MAML1: variants seen among roughly 807,000 people sequenced by gnomAD.
MAML1 encodes mastermind-like protein 1.
In MAML1, 14 loss-of-function variants were observed where a neutral mutation model predicts 77.1. That is an observed-to-expected ratio of 0.18 (90% confidence interval 0.12 to 0.28). The LOEUF (loss-of-function observed/expected upper bound fraction) is 0.28, where lower values mean the gene tolerates loss of function less well. Ranked by LOEUF, MAML1 falls within the 10% of genes least tolerant of loss-of-function variation. The pLI, the probability that MAML1 is intolerant of heterozygous loss-of-function variation, is 1.00. For missense variants in MAML1, 1,217 were observed against 1,327.8 expected (o/e 0.92, Z 1.30); for synonymous variants, 516 against 551.9 (o/e 0.93, Z 0.91).
In MAML1 at chr5:179,765,391, G is replaced by T. The variant is rs1412183480; in HGVS notation, c.381G>T (p.Gln127His). The T allele has an allele frequency of 1.9e-6, 3 of 1,613,732 alleles. No homozygotes were observed. Among genetic ancestry groups the T allele is most frequent in the Non-Finnish European group, 2.5e-6 (3 of 1,179,876 alleles). The change falls in exon 2 of 5, where the codon CAG becomes CAT. Residue 127 changes from glutamine (Q) to histidine (H), a missense_variant. Around this residue, in one of 3 missense-constraint regions of MAML1, gnomAD observed 312 missense variants for 331.4 expected, o/e 0.94. Coordinates refer to ENST00000292599, the MANE Select transcript of MAML1 (RefSeq NM_014757.5). ...SATSPQNGDQ[Q>H]NGYGDLFPGH... ...CTTCCCCTCAGAATGGCGATCAACA[G>T]AATGGCTACGGGGACCTCTTTCCTG...
intron 3 of MAML1, among the ~76,000 whole-genome samples, chr5:179,770,474 AT>A (rs1755963196): frequency 6.6e-6 from 1 of 152,142 alleles, no homozygotes; most frequent in African/African-American, 2.4e-5. Context: ...TGTTCTGGAC[AT>A]TTTATATTTA....
intron 1 of MAML1, among the ~76,000 whole-genome samples, chr5:179,742,430 A>G (rs1314377397): frequency 2.0e-4 from 30 of 151,958 alleles, no homozygotes; most frequent in Admixed American, 2.0e-3. Flanking sequence ...CGGAGGTTGC[A>G]GTGAGCCGAG....
At chr5:179,745,848 C>T (rs1353028058) in intron 1 of MAML1, among the ~76,000 whole-genome samples, 2 of 101,100 alleles carry the variant, frequency 2.0e-5, no homozygotes, top group Non-Finnish European at 3.7e-5. Flanking sequence ...CGACAGAGCG[C>T]AACTCCGTCT....
Position 179,776,347 on chromosome 5 carries a change from G to A in MAML1, c.*1470G>A, listed in dbSNP as rs1029912254. The A allele has an allele frequency of 2.0e-6, 2 of 985,764 alleles. No individual in the cohort carries two copies. Among genetic ancestry groups the A allele is most frequent in the Non-Finnish European group, 2.4e-6 (2 of 829,962 alleles). 61.1% of individuals were successfully genotyped at this position (985,764 alleles called of 1,614,324 possible). On this transcript the variant is annotated 3_prime_UTR_variant, in exon 5 of 5. Transcript: ENST00000292599. ...GCCAAGGAAAATACTCATGCAACCA[G>A]CCTGAGTCGCGGTGAGGGGACGAGA...
At position 179,765,940 on chromosome 5, in the gene MAML1, A is replaced by G; in HGVS notation, c.930A>G (p.Glu310=). ...TCTCTCCAGCAGCCTTTGAGCAAGAACAGTTAGGCTCTCCACAAGTGAGGG... is the reference window on the plus strand; with the variant it reads ...TCTCTCCAGCAGCCTTTGAGCAAGAGCAGTTAGGCTCTCCACAAGTGAGGG... ...TEFSPAAFEQ[E]QLGSPQVRAG... is the part of the protein sequence containing the mutation. The change falls in exon 2 of 5, where the codon GAA becomes GAG. Residue 310 remains glutamate, a synonymous_variant. Coordinates refer to ENST00000292599, the MANE Select transcript of MAML1 (RefSeq NM_014757.5). 1 of 1,614,148 alleles carries G rather than the reference A, an allele frequency of 6.2e-7. No homozygotes were observed. Among genetic ancestry groups the G allele is most frequent in the Non-Finnish European group, 8.5e-7 (1 of 1,180,022 alleles).
At chr5:179,767,062 A>T (rs907581930) in intron 2 of MAML1, among the ~76,000 whole-genome samples, 12 of 150,794 alleles carry the variant, frequency 8.0e-5, no homozygotes, top group African/African-American at 2.7e-4. Context: ...TTGCAGATAA[A>T]CATTACGTTT....
intron 1 of MAML1, among the ~76,000 whole-genome samples, chr5:179,765,063 G>A (rs907188919): frequency 2.6e-5 from 4 of 151,364 alleles, no homozygotes; most frequent in African/African-American, 4.9e-5. Flanking sequence ...TGGGCATACC[G>A]CCAGACGAGA....
Position 179,733,083 on chromosome 5 carries a change from C to T in MAML1, c.-30C>T. ...GCCAGCCGGCCCCGAGAGGCCCGGC[C>T]CCGGGCCCGGCCCGTGCAGCCCGCG... On this transcript the variant is annotated 5_prime_UTR_variant, in exon 1 of 5. Coordinates refer to ENST00000292599, the MANE Select transcript of MAML1 (RefSeq NM_014757.5). The T allele has an allele frequency of 7.8e-7, 1 of 1,279,830 alleles. No individual in the cohort carries two copies. Among genetic ancestry groups the T allele is most frequent in the Non-Finnish European group, 9.9e-7 (1 of 1,012,832 alleles). 79.3% of individuals were successfully genotyped at this position (1,279,830 alleles called of 1,614,324 possible). A position where few individuals can be genotyped will look rare whatever the true frequency, so the allele number is the denominator to read the frequency against.
At chr5:179,759,019 ATTGT>A (rs1779677056) in intron 1 of MAML1, among the ~76,000 whole-genome samples, 2 of 152,046 alleles carry the variant, frequency 1.3e-5, no homozygotes, top group Non-Finnish European at 2.9e-5. Flanking sequence ...AATTACAAAG[ATTGT>A]TTGTGGCGCT....
intron 1 of MAML1, among the ~76,000 whole-genome samples, chr5:179,762,771 C>G (rs1003028614): frequency 6.6e-6 from 1 of 152,208 alleles, no homozygotes; most frequent in South Asian, 2.1e-4. Context: ...CCCTGCATAT[C>G]AGACACTCCT....
At chr5:179,745,368 G>A (rs147069734) in intron 1 of MAML1, among the ~76,000 whole-genome samples, 54 of 151,968 alleles carry the variant, frequency 3.6e-4, no homozygotes, top group African/African-American at 1.3e-3. Flanking sequence ...TCTTGTTTTT[G>A]TTTTTGTAAA....
In MAML1 at chr5:179,775,789, T is replaced by G; in HGVS notation, c.*912T>G. The stretch of plus-strand genomic sequence containing the variant: ...CTGTGCAGTTGTGCACAGATGTCTT[T>G]CCTTTACCGTTGGCCTTTCTGTCTG... On this transcript the variant is annotated 3_prime_UTR_variant, in exon 5 of 5. Transcript: ENST00000292599. 1.0e-6 allele frequency: 1 copy of G among 985,544 alleles called. No homozygotes were observed. The highest frequency in any genetic ancestry group is 1.2e-6 in the Non-Finnish European group (1 of 829,976). 61.0% of individuals were successfully genotyped at this position (985,544 alleles called of 1,614,324 possible). A position where few individuals can be genotyped will look rare whatever the true frequency, so the allele number is the denominator to read the frequency against.
At position 179,764,995 on chromosome 5, in the gene MAML1, A is replaced by ATGTGTG. The variant is rs34922506; in HGVS notation, c.316-311_316-306dup. Among the ~76,000 whole-genome samples the ATGTGTG allele has an allele frequency of 3.3e-4, 48 of 147,666 alleles. 1 individual carries two copies. The highest frequency in any genetic ancestry group is 1.8e-3 in the East Asian group (9 of 5,006). ...ACATATATATATATATAATATATAT[A>ATGTGTG]TGTGTGTGTGTGTGTGTGTGTGTGT... is the stretch of plus-strand genomic sequence containing the variant. On this transcript the variant is annotated intron_variant, in intron 1 of 4. Transcript: ENST00000292599.
intron 1 of MAML1, among the ~76,000 whole-genome samples, chr5:179,762,183 G>A (rs1011277922): frequency 2.6e-5 from 4 of 152,146 alleles, no homozygotes; most frequent in Non-Finnish European, 5.9e-5. Context: ...GGAGTGCAGC[G>A]GTGGGTGGTT....
intron 2 of MAML1, among the ~76,000 whole-genome samples, chr5:179,767,582 A>G (rs1321721479): frequency 6.6e-6 from 1 of 152,250 alleles, no homozygotes; most frequent in Non-Finnish European, 1.5e-5. Flanking sequence ...GGTTATTTCT[A>G]ATAGCCAAAA....
chr5:179,745,628 A>T (rs1779363531), intron 1 of MAML1, among the ~76,000 whole-genome samples: 1 of 151,808 alleles, frequency 6.6e-6, no homozygotes, highest in Non-Finnish European at 1.5e-5. Flanking sequence ...TGGGAGGCCG[A>T]GGCGGGCAGA....
At chr5:179,734,106 C>G (rs1779120566) in intron 1 of MAML1, among the ~76,000 whole-genome samples, 1 of 152,182 alleles carries the variant, frequency 6.6e-6, no homozygotes, top group South Asian at 2.1e-4. Context: ...TTATTACTCC[C>G]TTTGGGCTCT....
At chr5:179,738,147 C>G (rs887082104) in intron 1 of MAML1, among the ~76,000 whole-genome samples, 1 of 152,138 alleles carries the variant, frequency 6.6e-6, no homozygotes, top group African/African-American at 2.4e-5. Context: ...CCTAGATTTA[C>G]CTGTTGTCAC....
At chr5:179,749,685 A>G (rs1779449577) in intron 1 of MAML1, among the ~76,000 whole-genome samples, 1 of 152,248 alleles carries the variant, frequency 6.6e-6, no homozygotes, top group Admixed American at 6.5e-5. Context: ...CAGGAGCCCA[A>G]CACAGTAGAC....
Sources: gnomAD v4.1 joint callset for allele counts (sites outside exome capture counted in the v4.1 genomes callset) on GRCh38, gnomAD v4.1.1 for gene constraint, gnomAD v4.1.1 regional missense constraint, MANE v1.5 for transcripts, NCBI Gene and HGNC (gene_info 2026-07-23, HGNC 2026-07-21) for gene names.